MACROD2: variants seen among roughly 807,000 people sequenced by gnomAD.
MACROD2 encodes mono-ADP ribosylhydrolase 2, also known as ADP-ribose glycohydrolase MACROD2.
MACROD2 carries 36 observed loss-of-function variants against 70.4 expected under a neutral mutation model. The ratio of observed to expected loss-of-function variants is 0.51; its 90% CI spans 0.39 to 0.68. The LOEUF (loss-of-function observed/expected upper bound fraction) is 0.68, where lower values mean the gene tolerates loss of function less well. MACROD2 is among the 30% of genes least tolerant of loss of function. MACROD2 has a pLI of 0.00. For synonymous variants in MACROD2, 172 were observed against 178.8 expected (o/e 0.96, Z 0.30); for missense variants, 496 against 538.4 (o/e 0.92, Z 0.78).
chr20:14,762,944 C>G (rs1203409408), intron 5 of MACROD2, among the ~76,000 whole-genome samples: 1 of 151,760 alleles, frequency 6.6e-6, no homozygotes, highest in Non-Finnish European at 1.5e-5. Flanking sequence ...AACAAACAAA[C>G]AAACAAACAA....
At chr20:15,607,669 G>A (rs950809504) in intron 8 of MACROD2, among the ~76,000 whole-genome samples, 1 of 152,182 alleles carries the variant, frequency 6.6e-6, no homozygotes, top group Non-Finnish European at 1.5e-5. Flanking sequence ...GAATAGCTGG[G>A]ATTACAGGTG....
At chr20:15,057,789 T>C (rs384238) in intron 5 of MACROD2, among the ~76,000 whole-genome samples, 1 of 152,070 alleles carries the variant, frequency 6.6e-6, no homozygotes, top group South Asian at 2.1e-4. Flanking sequence ...TCTTTCATCC[T>C]TGGAGCCTGG....
At chr20:15,679,916 G>A (rs1033001063) in intron 8 of MACROD2, among the ~76,000 whole-genome samples, 2 of 152,194 alleles carry the variant, frequency 1.3e-5, no homozygotes, top group African/African-American at 4.8e-5. Context: ...TGCATTTTGG[G>A]ACAATTTATT....
intron 6 of MACROD2, among the ~76,000 whole-genome samples, chr20:15,260,976 A>C (rs1324305988): frequency 6.6e-6 from 1 of 152,008 alleles, no homozygotes; most frequent in African/African-American, 2.4e-5. Flanking sequence ...GAGGTTATTC[A>C]ATCTTGCAGT....
intron 5 of MACROD2, among the ~76,000 whole-genome samples, chr20:14,708,119 A>T (rs2071291637): frequency 6.6e-6 from 1 of 152,224 alleles, no homozygotes; most frequent in Non-Finnish European, 1.5e-5. Flanking sequence ...ATATGAGATG[A>T]TGTGTAACAC....
At chr20:15,831,649 T>G (rs1187510755) in intron 8 of MACROD2, among the ~76,000 whole-genome samples, 1 of 152,062 alleles carries the variant, frequency 6.6e-6, no homozygotes, top group Non-Finnish European at 1.5e-5. Context: ...CAGTCCATGC[T>G]CACAACTTGA....
intron 2 of MACROD2, among the ~76,000 whole-genome samples, chr20:14,039,222 A>T (rs2053356180): frequency 6.6e-6 from 1 of 152,198 alleles, no homozygotes; most frequent in African/African-American, 2.4e-5. Context: ...CACATAAATT[A>T]TGGTTGACCA....
At chr20:15,134,424 C>T (rs1016412964) in intron 5 of MACROD2, among the ~76,000 whole-genome samples, 103 of 151,912 alleles carry the variant, frequency 6.8e-4, no homozygotes, top group African/African-American at 2.3e-3. Context: ...CACTCAAAGC[C>T]GCTCAACTAC....
At chr20:15,091,158 G>T (rs2075789748) in intron 5 of MACROD2, among the ~76,000 whole-genome samples, 1 of 151,984 alleles carries the variant, frequency 6.6e-6, no homozygotes. Context: ...CTAACACCTA[G>T]TAACACATTC....
At chr20:15,613,202 C>T (rs2048993662) in intron 8 of MACROD2, among the ~76,000 whole-genome samples, 1 of 152,172 alleles carries the variant, frequency 6.6e-6, no homozygotes. Flanking sequence ...GATAGGCAGT[C>T]AGAAAATAAT....
At chr20:14,870,278 G>A (rs1345696366) in intron 5 of MACROD2, among the ~76,000 whole-genome samples, 1 of 152,072 alleles carries the variant, frequency 6.6e-6, no homozygotes, top group African/African-American at 2.4e-5. Context: ...AAAGAAAATG[G>A]TCTCATTTCT....
chr20:15,495,118 G>A (rs1008102798), intron 7 of MACROD2, among the ~76,000 whole-genome samples: 9 of 152,166 alleles, frequency 5.9e-5, no homozygotes, highest in African/African-American at 1.9e-4. Flanking sequence ...CCTCCGGGTG[G>A]CCATTCTACT....
intron 8 of MACROD2, among the ~76,000 whole-genome samples, chr20:15,571,159 G>A (rs925780676): frequency 1.1e-4 from 16 of 152,060 alleles, no homozygotes; most frequent in African/African-American, 3.9e-4. Flanking sequence ...TTTTACTGAA[G>A]CCACTATTTT....
intron 3 of MACROD2, among the ~76,000 whole-genome samples, chr20:14,428,124 T>A (rs2083954609): frequency 6.6e-6 from 1 of 152,140 alleles, no homozygotes; most frequent in Non-Finnish European, 1.5e-5. Flanking sequence ...ATAGCCATTT[T>A]GTAAACTGAC....
chr20:15,590,870 C>CA (rs1304462268), intron 8 of MACROD2, among the ~76,000 whole-genome samples: 95 of 89,862 alleles, frequency 1.1e-3, no homozygotes, highest in East Asian at 7.3e-3. Context: ...AAGACTCTGT[C>CA]AAAAAAAAAA....
intron 3 of MACROD2, among the ~76,000 whole-genome samples, chr20:14,322,586 AGTT>A (rs2082674356): frequency 6.6e-6 from 1 of 152,112 alleles, no homozygotes; most frequent in Non-Finnish European, 1.5e-5. Flanking sequence ...TCATCTTTTA[AGTT>A]GTCCCTCGAA....
chr20:14,785,207 A>T (rs2072353612), intron 5 of MACROD2, among the ~76,000 whole-genome samples: 3 of 151,878 alleles, frequency 2.0e-5, no homozygotes, highest in Admixed American at 2.0e-4. Flanking sequence ...ACGCATGCAC[A>T]CAACTCTAAG....
Position 15,609,164 on chromosome 20 carries a change from G to C in MACROD2, c.645+109317G>C, listed in dbSNP as rs116388232. ...GCTCCAATGGCCCACCCACCCCCAG[G>C]TGCTCTGGGATGGAGCTTATTAATT... On this transcript the variant is annotated intron_variant, in intron 8 of 17. Transcript: ENST00000684519. 7.8e-3 allele frequency among the ~76,000 whole-genome samples: 1,185 copies of C among 152,208 alleles called. 19 individuals carry two copies. Among genetic ancestry groups the C allele is most frequent in the African/African-American group, 0.026 (1,099 of 41,524 alleles).
At chr20:14,693,049 G>GTCTATACC (rs2071081864) in intron 5 of MACROD2, among the ~76,000 whole-genome samples, 1 of 152,176 alleles carries the variant, frequency 6.6e-6, no homozygotes, top group Non-Finnish European at 1.5e-5. Flanking sequence ...AGAGGACGCT[G>GTCTATACC]TCTATACCTC....
Sources: allele counts gnomAD v4.1 joint callset (sites outside exome capture counted in the v4.1 genomes callset), GRCh38; gene constraint gnomAD v4.1.1; transcripts MANE v1.5; gene names NCBI Gene and HGNC (gene_info 2026-07-23, HGNC 2026-07-21).